SCMH1: variants seen among roughly 807,000 people sequenced by gnomAD.
SCMH1 encodes the protein polycomb protein SCMH1.
SCMH1 carries 37 observed loss-of-function variants against 70.8 expected under a neutral mutation model. That is an observed-to-expected ratio of 0.52 (90% CI 0.40 to 0.69). The LOEUF is 0.69. Among genes scored for constraint, SCMH1 ranks in the 30% least tolerant of loss-of-function variants. SCMH1 has a pLI of 0.00. For missense variants in SCMH1, 607 were observed against 827.3 expected, an observed-to-expected ratio of 0.73 and a Z score of 3.27; for synonymous variants, 292 against 307.4, an observed-to-expected ratio of 0.95 and a Z score of 0.52.
chr1:41,191,576 T>C (rs879818017), intron 1 of SCMH1, among the ~76,000 whole-genome samples: 4 of 152,198 alleles, frequency 2.6e-5, no homozygotes, highest in African/African-American at 4.8e-5. Flanking sequence ...GGTATAAACA[T>C]AGAACTACAG....
chr1:41,127,720 C>T (rs980989239), intron 6 of SCMH1, among the ~76,000 whole-genome samples: 2 of 152,088 alleles, frequency 1.3e-5, no homozygotes, highest in African/African-American at 2.4e-5. Context: ...AGTGAAGTCA[C>T]GGGGTAGAGC....
At chr1:41,078,565 C>T (rs1019364803) in intron 8 of SCMH1, among the ~76,000 whole-genome samples, 2 of 151,942 alleles carry the variant, frequency 1.3e-5, no homozygotes, top group African/African-American at 2.4e-5. Context: ...ACAGCATTAC[C>T]GGAGCAACAA....
chr1:41,110,251 A>G (rs1419308540), intron 8 of SCMH1, among the ~76,000 whole-genome samples: 1 of 152,226 alleles, frequency 6.6e-6, no homozygotes, highest in Non-Finnish European at 1.5e-5. Flanking sequence ...CTTGTCCACA[A>G]TTACCACTGT....
intron 6 of SCMH1, among the ~76,000 whole-genome samples, chr1:41,125,766 G>C (rs1454811099): frequency 7.0e-6 from 1 of 142,842 alleles, no homozygotes; most frequent in Non-Finnish European, 1.5e-5. Context: ...AGTAGAGATG[G>C]GGGTCTTGCC....
intron 6 of SCMH1, among the ~76,000 whole-genome samples, chr1:41,140,345 T>C (rs1394117535): frequency 1.3e-5 from 2 of 151,344 alleles, no homozygotes; most frequent in African/African-American, 2.4e-5. Context: ...CAGGCTGGAG[T>C]GCAGTGGTGC....
chr1:41,158,472 A>T (rs750617601), intron 4 of SCMH1, among the ~76,000 whole-genome samples: 6 of 152,258 alleles, frequency 3.9e-5, no homozygotes, highest in Non-Finnish European at 5.9e-5. Flanking sequence ...GCAGGAGTCA[A>T]AGAAAAAGGA....
At chr1:41,205,529 C>CG (rs1054598684) in intron 1 of SCMH1, among the ~76,000 whole-genome samples, 9 of 152,088 alleles carry the variant, frequency 5.9e-5, no homozygotes, top group Middle Eastern at 3.4e-3. Context: ...TGCATCCTCG[C>CG]GGGGGGGAGG....
chr1:41,133,851 G>C (rs1322172121), intron 6 of SCMH1, among the ~76,000 whole-genome samples: 2 of 152,068 alleles, frequency 1.3e-5, no homozygotes, highest in Non-Finnish European at 2.9e-5. Flanking sequence ...TTCTACCAGA[G>C]GTACAAAGAG....
intron 1 of SCMH1, among the ~76,000 whole-genome samples, chr1:41,229,111 G>A (rs1660822260): frequency 6.6e-6 from 1 of 151,996 alleles, no homozygotes; most frequent in African/African-American, 2.4e-5. Flanking sequence ...CAGGAGAATC[G>A]CTTAAACCCA....
At chr1:41,096,123 C>G (rs1315826221) in intron 8 of SCMH1, among the ~76,000 whole-genome samples, 1 of 152,112 alleles carries the variant, frequency 6.6e-6, no homozygotes, top group Admixed American at 6.6e-5. Context: ...ACACTAGATT[C>G]AATAATACTA....
intron 8 of SCMH1, among the ~76,000 whole-genome samples, chr1:41,106,021 C>G (rs558051385): frequency 6.6e-6 from 1 of 151,516 alleles, no homozygotes; most frequent in South Asian, 2.1e-4. Flanking sequence ...ATTACAGGTG[C>G]ACGCCACCAT....
At chr1:41,093,135 A>G (rs1183095914) in intron 8 of SCMH1, among the ~76,000 whole-genome samples, 2 of 152,044 alleles carry the variant, frequency 1.3e-5, no homozygotes, top group East Asian at 3.9e-4. Flanking sequence ...AATGTCCATC[A>G]ATGATAGACT....
chr1:41,128,463 A>G (rs1378787993), intron 6 of SCMH1, among the ~76,000 whole-genome samples: 1 of 152,134 alleles, frequency 6.6e-6, no homozygotes, highest in Non-Finnish European at 1.5e-5. Flanking sequence ...TTTTCCTTTT[A>G]GAACTTAAAA....
intron 2 of SCMH1, among the ~76,000 whole-genome samples, chr1:41,173,598 A>C (rs1646925226): frequency 6.6e-6 from 1 of 152,226 alleles, no homozygotes. Flanking sequence ...ATGATCCAGC[A>C]ATTCCAATAC....
At chr1:41,235,140 T>C (rs1270987950) in intron 1 of SCMH1, among the ~76,000 whole-genome samples, 3 of 152,196 alleles carry the variant, frequency 2.0e-5, no homozygotes, top group African/African-American at 7.2e-5. Flanking sequence ...CACTTGAATC[T>C]GCCTATATTA....
At chr1:41,089,824 C>G (rs1210787983) in intron 8 of SCMH1, among the ~76,000 whole-genome samples, 2 of 65,988 alleles carry the variant, frequency 3.0e-5, no homozygotes, top group Non-Finnish European at 5.2e-5. Flanking sequence ...CAGAGTCTTG[C>G]TCTGTTGCCC....
chr1:41,229,290 A>G (rs1443194026), intron 1 of SCMH1, among the ~76,000 whole-genome samples: 1 of 152,220 alleles, frequency 6.6e-6, no homozygotes, highest in Non-Finnish European at 1.5e-5. Flanking sequence ...ATATAAGAAT[A>G]AGATTGGCAA....
intron 1 of SCMH1, among the ~76,000 whole-genome samples, chr1:41,223,777 A>AT: frequency 6.6e-6 from 1 of 152,318 alleles, no homozygotes; most frequent in East Asian, 1.9e-4. Context: ...TGTTGTGAGA[A>AT]TCAGATAATA....
intron 2 of SCMH1, among the ~76,000 whole-genome samples, chr1:41,165,639 G>A (rs1646363347): frequency 1.3e-5 from 2 of 152,144 alleles, no homozygotes; most frequent in African/African-American, 4.8e-5. Flanking sequence ...CTGATGATTA[G>A]AGATGTTGGA....
Sources: allele counts gnomAD v4.1 joint callset (sites outside exome capture counted in the v4.1 genomes callset), GRCh38; gene constraint gnomAD v4.1.1; transcripts MANE v1.5; gene names NCBI Gene and HGNC (gene_info 2026-07-23, HGNC 2026-07-21).